FNDC8: variants seen among roughly 807,000 people sequenced by gnomAD.
FNDC8 encodes the protein fibronectin type III domain containing 8, also known as fibronectin type III domain-containing protein 8.
In FNDC8, 23 loss-of-function variants were observed where a neutral mutation model predicts 24.8. The ratio of observed to expected loss-of-function variants is 0.93; its 90% CI spans 0.67 to 1.31. The LOEUF is 1.31. Ranked by LOEUF, FNDC8 falls within the 40% of genes most tolerant of loss-of-function variation. FNDC8 has a pLI of 0.00. For synonymous variants in FNDC8, 158 were observed against 165.3 expected, an observed-to-expected ratio of 0.96 and a Z score of 0.34; for missense variants, 371 against 398.2, an observed-to-expected ratio of 0.93 and a Z score of 0.58.
intron 1 of FNDC8, among the ~76,000 whole-genome samples, chr17:35,125,474 C>T (rs2091845561): frequency 1.3e-5 from 2 of 152,078 alleles, no homozygotes; most frequent in South Asian, 2.1e-4. Flanking sequence ...ACAGTAAAAA[C>T]GACTGAACCA....
intron 2 of FNDC8, chr17:35,128,739 G>A (rs1210529949): frequency 6.5e-6 from 1 of 153,750 alleles, no homozygotes; most frequent in Non-Finnish European, 1.4e-5. Context: ...GTTTCAGGAT[G>A]AGTCAAGCAT....
intron 1 of FNDC8, among the ~76,000 whole-genome samples, chr17:35,125,453 A>T (rs548011485): frequency 1.3e-5 from 2 of 152,362 alleles, no homozygotes; most frequent in East Asian, 3.9e-4. Context: ...CATGTAATGG[A>T]AAATCATAAA....
At chr17:35,122,368 C>A (rs2091833252) in intron 1 of FNDC8, among the ~76,000 whole-genome samples, 1 of 150,954 alleles carries the variant, frequency 6.6e-6, no homozygotes, top group East Asian at 2.0e-4. Context: ...GAGCCGAGGG[C>A]TGGGCAGAGA....
chr17:35,127,042 G>A lies in FNDC8; in HGVS notation c.210G>A (p.Leu70=). Residue 70 remains leucine, a splice_region_variant and synonymous_variant, in exon 2 of 4, where the codon CTG becomes CTA. Transcript: ENST00000158009. The part of the protein sequence containing the change: ...NFLEDDTINL[L]KPLPVEDSDC... ...TCACCTGTCTCCCCTTTTGCTCCAGGAAGCCGCTGCCAGTAGAGGATTCAG... is the reference window on the plus strand; with the variant it reads ...TCACCTGTCTCCCCTTTTGCTCCAGAAAGCCGCTGCCAGTAGAGGATTCAG... The A allele has an allele frequency of 2.5e-6, 4 of 1,573,670 alleles. No homozygotes were observed. Among genetic ancestry groups the A allele is most frequent in the Non-Finnish European group, 3.5e-6 (4 of 1,155,176 alleles).
In FNDC8 at chr17:35,127,337, C is replaced by T; in HGVS notation, c.505C>T (p.His169Tyr). 1.9e-6 allele frequency: 3 copies of T among 1,609,644 alleles called. No individual in the cohort carries two copies. Among genetic ancestry groups the T allele is most frequent in the Non-Finnish European group, 1.7e-6 (2 of 1,178,188 alleles). Residue 169 changes from histidine (H) to tyrosine (Y), a missense_variant, in exon 2 of 4, where the codon CAC becomes TAC. His to Tyr is a moderately conservative substitution (Grantham distance 83). Transcript: ENST00000158009. ...PELETETSST[H>Y]SESSVVVDLP... is the part of the protein sequence containing the mutation. Reference sequence around the variant, plus strand: ...GCTGGAGACAGAAACCTCCTCAACGCACTCAGAATCTTCTGTGGTTGTGGA... The same window carrying T: ...GCTGGAGACAGAAACCTCCTCAACGTACTCAGAATCTTCTGTGGTTGTGGA...
chr17:35,128,441 C>T (rs1293997345), intron 2 of FNDC8, among the ~76,000 whole-genome samples: 1 of 152,242 alleles, frequency 6.6e-6, no homozygotes, highest in East Asian at 1.9e-4. Flanking sequence ...AGGCAGCAGG[C>T]CCAGAAATCT....
At chr17:35,127,495 G>T in intron 2 of FNDC8, 78 bp downstream of exon 2, 1 of 1,444,534 alleles carries the variant, frequency 6.9e-7, no homozygotes. Context: ...GTAGTGAGAA[G>T]GTGCCTGCCA....
At chr17:35,121,982 C>T in intron 1 of FNDC8, 80 bp downstream of exon 1, 2 of 945,666 alleles carry the variant, frequency 2.1e-6, no homozygotes, top group Non-Finnish European at 2.9e-6. Flanking sequence ...TTCCTTCCTT[C>T]CTTCCTTTTT....
intron 2 of FNDC8, among the ~76,000 whole-genome samples, chr17:35,127,947 TTC>T (rs1199127776): frequency 6.6e-6 from 1 of 152,162 alleles, no homozygotes; most frequent in African/African-American, 2.4e-5. Context: ...TAGTAACAGA[TTC>T]CCAGAGGATG....
rs183501037 is a variant in FNDC8 at position 35,129,621 on chromosome 17, A to T, written c.785A>T (p.Asn262Ile). 1 of 1,614,096 alleles carries T rather than the reference A, an allele frequency of 6.2e-7. No individual in the cohort carries two copies. Among genetic ancestry groups the T allele is most frequent in the Non-Finnish European group, 8.5e-7 (1 of 1,180,010 alleles). Residue 262 changes from asparagine to isoleucine, a missense_variant, in exon 3 of 4, where the codon AAC becomes ATC. By Grantham distance (149) the Asn-to-Ile change is moderately radical. Coordinates refer to ENST00000158009, the MANE Select transcript of FNDC8 (RefSeq NM_017559.4). ...TACTGCCTCAGTGTCCGTGCAGCCA[A>T]CACAGCTGGGGTGGGGAAGTGGTGC... Reference protein sequence around the residue: ...TCYCLSVRAANTAGVGKWCKP... With the variant: ...TCYCLSVRAAITAGVGKWCKP...
At chr17:35,127,020 C>T (rs775672913) in intron 1 of FNDC8, 22 bp from the exon 2 acceptor site, 2 of 1,556,572 alleles carry the variant, frequency 1.3e-6, no homozygotes, top group Non-Finnish European at 8.7e-7. Flanking sequence ...ATCTGATTCA[C>T]CTGTCTCCCC....
chr17:35,124,184 G>T (rs1267134595), intron 1 of FNDC8, among the ~76,000 whole-genome samples: 12 of 152,210 alleles, frequency 7.9e-5, no homozygotes, highest in Non-Finnish European at 1.5e-5. Flanking sequence ...ACTGTGGATT[G>T]TGACCTATTA....
intron 2 of FNDC8, chr17:35,129,218 G>A: frequency 1.5e-6 from 1 of 646,300 alleles, no homozygotes; most frequent in Non-Finnish European, 2.7e-6. Flanking sequence ...TAAAGTGGGT[G>A]GGGCTGCCCA....
At chr17:35,129,994 A>G in intron 3 of FNDC8, 1 of 1,378,332 alleles carries the variant, frequency 7.3e-7, no homozygotes. Flanking sequence ...TAGGGAAGAC[A>G]AGAGGCTAAA....
intron 1 of FNDC8, among the ~76,000 whole-genome samples, chr17:35,126,497 C>CATTTTTTTTTTTTTTTTTTTTTTT (rs1555571324): frequency 8.9e-6 from 1 of 112,046 alleles, no homozygotes. Flanking sequence ...ATTTTCTAAG[C>CATTTTTTTTTTTTTTTTTTTTTTT]TTTTTTTTTT....
In FNDC8 at chr17:35,124,325, C is replaced by T. The variant is rs138161091; in HGVS notation, c.209+2423C>T. On this transcript the variant is annotated intron_variant, in intron 1 of 3. Coordinates refer to ENST00000158009, the MANE Select transcript of FNDC8 (RefSeq NM_017559.4). ...CGGGCAGACCACGAGGTCAAGAGAT[C>T]GAGACCATCCTGGCCAACATGGTGA... 1.4e-3 allele frequency among the ~76,000 whole-genome samples: 216 copies of T among 151,994 alleles called. 2 individuals carry two copies. Among genetic ancestry groups the T allele is most frequent in the African/African-American group, 5.0e-3 (209 of 41,438 alleles).
At chr17:35,128,114 G>A (rs867318890) in intron 2 of FNDC8, among the ~76,000 whole-genome samples, 8 of 152,288 alleles carry the variant, frequency 5.3e-5, no homozygotes, top group Non-Finnish European at 8.8e-5. Flanking sequence ...TAAGTAATAG[G>A]GAACAGCTTT....
chr17:35,125,832 T>G (rs989183226), intron 1 of FNDC8, among the ~76,000 whole-genome samples: 16 of 152,220 alleles, frequency 1.1e-4, no homozygotes, highest in African/African-American at 3.6e-4. Context: ...TTCTTGATAT[T>G]TTTGTATAAG....
chr17:35,121,771 T>C lies in FNDC8; in HGVS notation c.78T>C (p.Asn26=), dbSNP rs749047037. ...VLKKENFNMM[N]ALDQLPKPFS... is the part of the protein sequence containing the mutation. ...AGAAAGAAAACTTCAACATGATGAA[T>C]GCCCTTGACCAACTGCCAAAACCCT... Residue 26 remains asparagine (N), a synonymous_variant, in exon 1 of 4, where the codon AAT becomes AAC. Coordinates refer to ENST00000158009, the MANE Select transcript of FNDC8 (RefSeq NM_017559.4). 7.4e-6 allele frequency: 12 copies of C among 1,613,760 alleles called. No homozygotes were observed. The highest frequency in any genetic ancestry group is 1.7e-5 in the Admixed American group (1 of 59,994).
Sources: allele counts gnomAD v4.1 joint callset (sites outside exome capture counted in the v4.1 genomes callset), GRCh38; gene constraint gnomAD v4.1.1; transcripts MANE v1.5; gene names NCBI Gene and HGNC (gene_info 2026-07-23, HGNC 2026-07-21).